The following CLIC6 variants were observed in gnomAD, a reference collection of about 807,000 sequenced individuals.
CLIC6 encodes the protein chloride intracellular channel protein 6.
CLIC6 carries 39 observed loss-of-function variants against 49.2 expected under a neutral mutation model. The observed-to-expected ratio is 0.79, with a 90% CI of 0.61 to 1.04. The LOEUF is 1.04. CLIC6 is among the 50% of genes least tolerant of loss of function. CLIC6 has a pLI of 0.00. For synonymous variants in CLIC6, 446 were observed against 433.4 expected (o/e 1.03, Z -0.36); for missense variants, 988 against 993.1 (o/e 0.99, Z 0.07).
chr21:34,696,186 C>A (rs766857924), intron 1 of CLIC6, among the ~76,000 whole-genome samples: 2 of 151,868 alleles, frequency 1.3e-5, no homozygotes, highest in African/African-American at 2.4e-5. Flanking sequence ...AGACCCCCCC[C>A]ATCCCTGGCC....
Position 34,669,470 on chromosome 21 carries a change from C to A in CLIC6, c.82C>A (p.Pro28Thr). ...GGTCCCCGCGCCTCTGGCTGAGAGA[C>A]CCGGAGAGCCAGGAGCCGCGGGCGG... ...PEVPAPLAERPGEPGAAGGEA... is the reference protein window; with the variant it reads ...PEVPAPLAERTGEPGAAGGEA... Residue 28 changes from proline (P) to threonine (T), a missense_variant, in exon 1 of 6, where the codon CCC becomes ACC. By Grantham distance (38) the Pro-to-Thr change is conservative. Transcript: ENST00000349499. The A allele has an allele frequency of 3.2e-6, 4 of 1,234,708 alleles. No homozygotes were observed. The highest frequency in any genetic ancestry group is 4.0e-6 in the Non-Finnish European group (4 of 989,920). The allele number at this position is 1,234,708 out of a possible 1,614,324, so 76.5% of individuals were successfully genotyped here.
chr21:34,714,692 CAA>C (rs77701951), intron 5 of CLIC6, among the ~76,000 whole-genome samples: 5 of 85,830 alleles, frequency 5.8e-5, no homozygotes, highest in Admixed American at 1.3e-4. Flanking sequence ...CTCAAAAAAA[CAA>C]AAAAAAAAAA....
At chr21:34,683,047 G>A (rs1392612424) in intron 1 of CLIC6, among the ~76,000 whole-genome samples, 2 of 151,874 alleles carry the variant, frequency 1.3e-5, no homozygotes, top group African/African-American at 2.4e-5. Context: ...TCCTGACCTC[G>A]TGATCCGCCC....
chr21:34,675,721 G>T (rs753308869), intron 1 of CLIC6, among the ~76,000 whole-genome samples: 2 of 152,138 alleles, frequency 1.3e-5, no homozygotes, highest in Non-Finnish European at 2.9e-5. Context: ...GAGCCCTATC[G>T]TCATTGCCTC....
rs10604054 is a variant in CLIC6, at chr21:34,699,415, C to CTT, written c.1375-7845_1375-7844dup. Reference sequence around the variant, plus strand: ...TACAGGCGCATGTCACCATACCTGGCTTTTTTTTTTTTTTTTTTTTTAATT... The same window carrying CTT: ...TACAGGCGCATGTCACCATACCTGGCTTTTTTTTTTTTTTTTTTTTTTTAATT... On this transcript the variant is annotated intron_variant, in intron 1 of 5. Coordinates refer to ENST00000349499, the MANE Select transcript of CLIC6 (RefSeq NM_053277.3). Among the ~76,000 whole-genome samples the CTT allele has an allele frequency of 3.0e-4, 40 of 134,864 alleles. No individual in the cohort carries two copies. The South Asian group carries it at 5.0e-3, about 17-fold the overall frequency. 88.5% of individuals were successfully genotyped at this position (134,864 alleles called of 152,430 possible). A position where few individuals can be genotyped will look rare whatever the true frequency, so the allele number is the denominator to read the frequency against.
rs1431284304 is a variant in CLIC6, at chr21:34,669,490, G to A, written c.102G>A (p.Ala34=). Residue 34 remains alanine, a synonymous_variant, in exon 1 of 6, where the codon GCG becomes GCA. Coordinates refer to ENST00000349499, the MANE Select transcript of CLIC6 (RefSeq NM_053277.3). ...LAERPGEPGA[A]GGEAEGPEGS... ...AGAGACCCGGAGAGCCAGGAGCCGCGGGCGGGGAGGCAGAAGGGCCGGAGG... is the reference window on the plus strand; with the variant it reads ...AGAGACCCGGAGAGCCAGGAGCCGCAGGCGGGGAGGCAGAAGGGCCGGAGG... The A allele has an allele frequency of 7.3e-6, 9 of 1,234,990 alleles. No individual in the cohort carries two copies. Among genetic ancestry groups the A allele is most frequent in the Non-Finnish European group, 9.1e-6 (9 of 990,182 alleles). 76.5% of individuals were successfully genotyped at this position (1,234,990 alleles called of 1,614,324 possible). A position where few individuals can be genotyped will look rare whatever the true frequency, so the allele number is the denominator to read the frequency against.
intron 5 of CLIC6, among the ~76,000 whole-genome samples, chr21:34,714,965 A>G (rs1388213468): frequency 1.3e-5 from 2 of 152,244 alleles, no homozygotes; most frequent in Non-Finnish European, 2.9e-5. Flanking sequence ...ACTTCTTAAC[A>G]TGAGCATCAA....
At chr21:34,696,929 A>G (rs1421352403) in intron 1 of CLIC6, among the ~76,000 whole-genome samples, 1 of 151,934 alleles carries the variant, frequency 6.6e-6, no homozygotes, top group African/African-American at 2.4e-5. Flanking sequence ...TTGATCTCTA[A>G]ATTCCTGGGA....
chr21:34,697,349 T>G (rs1462112280), intron 1 of CLIC6, among the ~76,000 whole-genome samples: 1 of 152,148 alleles, frequency 6.6e-6, no homozygotes, highest in Non-Finnish European at 1.5e-5. Context: ...TTGTTAGGCT[T>G]GTCTTAAATT....
At position 34,681,129 on chromosome 21, in the gene CLIC6, C is replaced by T. The variant is rs148924925; in HGVS notation, c.1374+10367C>T. On this transcript the variant is annotated intron_variant, in intron 1 of 5. Transcript: ENST00000349499. ...AAGAAGTTTAATTGACTGACAGTTC[C>T]GCATGGCTGGGGAGGCCTCAGGAAA... 2.2e-3 allele frequency among the ~76,000 whole-genome samples: 334 copies of T among 152,300 alleles called. 2 individuals carry two copies. Among genetic ancestry groups the T allele is most frequent in the Non-Finnish European group, 2.2e-3 (148 of 68,018 alleles).
intron 4 of CLIC6, 134 bp downstream of exon 4, chr21:34,708,940 C>T (rs1601286992): frequency 4.5e-6 from 3 of 667,248 alleles, no homozygotes; most frequent in Non-Finnish European, 7.7e-6. Flanking sequence ...AGAAAAAGTG[C>T]CTCCAACTTT....
At chr21:34,697,502 A>C (rs1301787187) in intron 1 of CLIC6, among the ~76,000 whole-genome samples, 2 of 152,020 alleles carry the variant, frequency 1.3e-5, no homozygotes, top group African/African-American at 2.4e-5. Context: ...GTTAACCATC[A>C]AGTCTGATGG....
At chr21:34,696,694 T>A (rs1990094954) in intron 1 of CLIC6, among the ~76,000 whole-genome samples, 1 of 152,266 alleles carries the variant, frequency 6.6e-6, no homozygotes, top group Non-Finnish European at 1.5e-5. Context: ...ACATGCTCCA[T>A]ATGTGTTAGT....
intron 5 of CLIC6, among the ~76,000 whole-genome samples, chr21:34,712,991 G>C (rs1273759918): frequency 2.0e-5 from 3 of 152,184 alleles, no homozygotes; most frequent in Non-Finnish European, 2.9e-5. Flanking sequence ...AAATATTCCA[G>C]TTGGTTGGCC....
chr21:34,707,909 G>T (rs1047721783), intron 2 of CLIC6, 35 bp from the exon 3 acceptor site: 1 of 1,612,038 alleles, frequency 6.2e-7, no homozygotes, highest in Middle Eastern at 1.7e-4. Context: ...GATTCTCACG[G>T]TGGCCCATAA....
rs1048521772 is a variant in CLIC6 at position 34,716,174 on chromosome 21, T to C, written c.1900-147T>C. 6.1e-6 allele frequency: 4 copies of C among 656,512 alleles called. No individual in the cohort carries two copies. The African/African-American group carries it at 7.3e-5, about 12-fold the overall frequency. 40.7% of individuals were successfully genotyped at this position (656,512 alleles called of 1,614,324 possible). A position where few individuals can be genotyped will look rare whatever the true frequency, so the allele number is the denominator to read the frequency against. ...CAAGATGGCCCTATGCAAGTCAAGA[T>C]GCCGTGGTGGGTAGCCCGGATGACT... is the stretch of plus-strand genomic sequence containing the variant. On this transcript the variant is annotated intron_variant, in intron 5 of 5. Transcript: ENST00000349499.
intron 2 of CLIC6, 125 bp downstream of exon 2, chr21:34,707,514 A>T: frequency 1.4e-6 from 1 of 697,734 alleles, no homozygotes; most frequent in Non-Finnish European, 2.5e-6. Context: ...CCTCAGTCGG[A>T]GTCTGAACTG....
intron 1 of CLIC6, among the ~76,000 whole-genome samples, chr21:34,695,202 G>T (rs1357343626): frequency 6.6e-6 from 1 of 152,154 alleles, no homozygotes; most frequent in African/African-American, 2.4e-5. Flanking sequence ...GAGGCTGCTT[G>T]CATGTCTTGG....
chr21:34,677,764 C>T (rs1989699860), intron 1 of CLIC6, among the ~76,000 whole-genome samples: 1 of 152,136 alleles, frequency 6.6e-6, no homozygotes, highest in African/African-American at 2.4e-5. Flanking sequence ...GAACTGGATT[C>T]TGTGCCCCAA....
Sources: gnomAD v4.1 joint callset for allele counts (sites outside exome capture counted in the v4.1 genomes callset) on GRCh38, gnomAD v4.1.1 for gene constraint, MANE v1.5 for transcripts, NCBI Gene and HGNC (gene_info 2026-07-23, HGNC 2026-07-21) for gene names.